NR1H4: variants seen among roughly 807,000 people sequenced by gnomAD.
NR1H4 encodes the protein bile acid receptor.
In NR1H4, 23 loss-of-function variants were observed where a neutral mutation model predicts 58.5. That is an observed-to-expected ratio of 0.39 (90% CI 0.28 to 0.56). NR1H4 has a LOEUF of 0.56. NR1H4 is among the 20% of genes least tolerant of loss of function. The pLI, the probability that NR1H4 is intolerant of heterozygous loss-of-function variation, is 0.58. For missense variants in NR1H4, 487 were observed against 576.9 expected, an observed-to-expected ratio of 0.84 and a Z score of 1.60; for synonymous variants, 214 against 198.0, an observed-to-expected ratio of 1.08 and a Z score of -0.68.
In NR1H4 at chr12:100,475,428, A is replaced by T. The variant is rs527573559; in HGVS notation, c.-190+1369A>T. On this transcript the variant is annotated intron_variant, in intron 1 of 10. Transcript: ENST00000392986. ...AGGGACAAAGCTCTCTTGTCCTGAGACCCTTCCTCAAGATTTGCAGCAATT... is the reference window on the plus strand; with the variant it reads ...AGGGACAAAGCTCTCTTGTCCTGAGTCCCTTCCTCAAGATTTGCAGCAATT... Among the ~76,000 whole-genome samples, 5 of 152,086 alleles carry T rather than the reference A, an allele frequency of 3.3e-5. No homozygotes were observed. In the South Asian group the frequency reaches 1.0e-3, roughly 32 times the overall value.
chr12:100,515,887 A>C (rs1057259554), intron 4 of NR1H4, among the ~76,000 whole-genome samples: 3 of 152,198 alleles, frequency 2.0e-5, no homozygotes, highest in African/African-American at 7.2e-5. Flanking sequence ...GTGCTACTCA[A>C]AGCATAGTAC....
chr12:100,547,056 T>C (rs564743340), intron 9 of NR1H4, among the ~76,000 whole-genome samples: 9 of 152,260 alleles, frequency 5.9e-5, no homozygotes, highest in African/African-American at 2.2e-4. Context: ...GCCAATTCAC[T>C]CTTATACTTA....
chr12:100,496,199 A>T (rs1412425811), intron 3 of NR1H4, among the ~76,000 whole-genome samples: 1 of 151,718 alleles, frequency 6.6e-6, no homozygotes, highest in African/African-American at 2.4e-5. Flanking sequence ...AAGCAAACTC[A>T]CAATAAACTT....
intron 3 of NR1H4, among the ~76,000 whole-genome samples, chr12:100,508,808 A>C (rs531008846): frequency 1.1e-4 from 17 of 152,160 alleles, no homozygotes; most frequent in East Asian, 3.8e-4. Context: ...CCAAAGCCCC[A>C]AAAAACCACG....
chr12:100,521,938 T>A (rs1455662602), intron 4 of NR1H4, among the ~76,000 whole-genome samples: 1 of 152,198 alleles, frequency 6.6e-6, no homozygotes, highest in Non-Finnish European at 1.5e-5. Flanking sequence ...GGAACCCTTT[T>A]GTAGTAAGTG....
chr12:100,563,263 T>C lies in NR1H4; in HGVS notation c.1205T>C (p.Ile402Thr). 2.5e-6 allele frequency: 4 copies of C among 1,612,596 alleles called. No homozygotes were observed. Among genetic ancestry groups the C allele is most frequent in the Non-Finnish European group, 3.4e-6 (4 of 1,178,554 alleles). ...AACTTCAAAACAGATAGACAATACA[T>C]AAAGGATAGAGAGGCAGTAGAGAAG... is the stretch of plus-strand genomic sequence containing the variant. ...IVILSPDRQY[I>T]KDREAVEKLQ... Residue 402 changes from isoleucine (I) to threonine (T), a missense_variant, in exon 11 of 11, where the codon ATA becomes ACA. Ile to Thr is a moderately conservative substitution (Grantham distance 89). Coordinates refer to ENST00000392986, the MANE Select transcript of NR1H4 (RefSeq NM_001206979.2).
At chr12:100,535,765 T>A (rs998935487) in intron 6 of NR1H4, among the ~76,000 whole-genome samples, 2 of 152,240 alleles carry the variant, frequency 1.3e-5, no homozygotes, top group African/African-American at 4.8e-5. Context: ...GCTTCATCAG[T>A]AACACTTTGG....
intron 9 of NR1H4, among the ~76,000 whole-genome samples, chr12:100,545,658 A>AC (rs1384229302): frequency 3.4e-5 from 5 of 147,230 alleles, no homozygotes; most frequent in East Asian, 2.0e-4. Context: ...AAAAAAAAAA[A>AC]AAAAAAAAAA....
At position 100,531,740 on chromosome 12, in the gene NR1H4, G is replaced by A. The variant is rs189476807; in HGVS notation, c.446-718G>A. On this transcript the variant is annotated intron_variant, in intron 4 of 10. Coordinates refer to ENST00000392986, the MANE Select transcript of NR1H4 (RefSeq NM_001206979.2). ...GAAATGGAGCAGCAGAGTTGAAGTC[G>A]GTTACCTCCCTTCTTCACTCTAGGC... Among the ~76,000 whole-genome samples, 565 of 151,918 alleles carry A rather than the reference G, an allele frequency of 3.7e-3. 3 individuals are homozygous for A. The highest frequency in any genetic ancestry group is 0.013 in the African/African-American group (530 of 41,376).
chr12:100,501,880 C>T (rs928323965), intron 3 of NR1H4, among the ~76,000 whole-genome samples: 9 of 152,220 alleles, frequency 5.9e-5, no homozygotes, highest in African/African-American at 2.2e-4. Context: ...CATCTCGCTA[C>T]ATTATGCCTG....
intron 9 of NR1H4, among the ~76,000 whole-genome samples, chr12:100,560,708 G>A (rs955589618): frequency 9.2e-5 from 14 of 152,354 alleles, no homozygotes; most frequent in Non-Finnish European, 1.9e-4. Context: ...ACACCAATAC[G>A]TGGATAGGGA....
At chr12:100,548,325 C>G (rs1228890903) in intron 9 of NR1H4, among the ~76,000 whole-genome samples, 6 of 150,678 alleles carry the variant, frequency 4.0e-5, no homozygotes, top group Non-Finnish European at 1.5e-5. Context: ...CAAGATTGCA[C>G]CACTGCACTC....
intron 4 of NR1H4, among the ~76,000 whole-genome samples, chr12:100,515,564 A>T (rs1048561122): frequency 6.6e-6 from 1 of 152,206 alleles, no homozygotes; most frequent in African/African-American, 2.4e-5. Flanking sequence ...GTATAAGATG[A>T]TCATAGATAT....
intron 1 of NR1H4, among the ~76,000 whole-genome samples, chr12:100,479,224 G>A (rs1041723387): frequency 1.3e-5 from 2 of 151,904 alleles, no homozygotes; most frequent in Admixed American, 6.6e-5. Context: ...ACATTTCAAC[G>A]TTCTCAAATG....
At chr12:100,496,353 A>G (rs1236827233) in intron 3 of NR1H4, among the ~76,000 whole-genome samples, 1 of 152,202 alleles carries the variant, frequency 6.6e-6, no homozygotes, top group Non-Finnish European at 1.5e-5. Flanking sequence ...TAAGTGGTAT[A>G]GTCAGGAAAG....
At chr12:100,517,233 T>C (rs1162964708) in intron 4 of NR1H4, among the ~76,000 whole-genome samples, 6 of 152,174 alleles carry the variant, frequency 3.9e-5, no homozygotes, top group Non-Finnish European at 7.3e-5. Context: ...ACTCTCTATT[T>C]CCATGAGAAC....
chr12:100,559,772 G>A (rs1234911375), intron 9 of NR1H4, among the ~76,000 whole-genome samples: 1 of 152,166 alleles, frequency 6.6e-6, no homozygotes, highest in East Asian at 1.9e-4. Flanking sequence ...TGCGAGCGCA[G>A]GGCGCATGAC....
At chr12:100,526,249 G>T in intron 4 of NR1H4, among the ~76,000 whole-genome samples, 1 of 148,948 alleles carries the variant, frequency 6.7e-6, no homozygotes, top group Non-Finnish European at 1.5e-5. Context: ...TTCCTAAAGT[G>T]GAAGCTTAGA....
In NR1H4 at chr12:100,508,561, G is replaced by A. The variant is rs578014861; in HGVS notation, c.80-2217G>A. Among the ~76,000 whole-genome samples the A allele has an allele frequency of 5.9e-5, 9 of 152,170 alleles. 1 individual carries two copies. In the South Asian group the frequency reaches 1.4e-3, roughly 25 times the overall value. ...CAAGTCTCATCTACTTAGGTAGGTA[G>A]GAGTAAAGTTGCTTAACTACTATGT... is the stretch of plus-strand genomic sequence containing the variant. On this transcript the variant is annotated intron_variant, in intron 3 of 10. Transcript: ENST00000392986.
Sources: gnomAD v4.1 joint callset for allele counts (sites outside exome capture counted in the v4.1 genomes callset) on GRCh38, gnomAD v4.1.1 for gene constraint, MANE v1.5 for transcripts, NCBI Gene and HGNC (gene_info 2026-07-23, HGNC 2026-07-21) for gene names.